The following CBX1 variants were observed in gnomAD, a reference collection of about 807,000 sequenced individuals.
CBX1 encodes the protein chromobox protein homolog 1.
A neutral mutation model predicts 25.1 loss-of-function variants in CBX1; 10 were observed. That is an observed-to-expected ratio of 0.40 (90% CI 0.25 to 0.68). The LOEUF (loss-of-function observed/expected upper bound fraction) is 0.68. CBX1 is among the 30% of genes least tolerant of loss of function. CBX1 has a pLI of 0.40. For missense variants in CBX1, 106 were observed against 218.5 expected, an observed-to-expected ratio of 0.49 and a Z score of 3.25; for synonymous variants, 63 against 79.4, an observed-to-expected ratio of 0.79 and a Z score of 1.10.
chr17:48,094,738 GAAAA>G (rs35959502), intron 1 of CBX1, among the ~76,000 whole-genome samples: 1 of 119,336 alleles, frequency 8.4e-6, no homozygotes, highest in Non-Finnish European at 1.8e-5. Context: ...TGTCTCAAAG[GAAAA>G]AAAAAAAAAA....
chr17:48,077,433 G>GTTTGTTTTT (rs1567764327), intron 1 of CBX1, among the ~76,000 whole-genome samples: 4 of 128,840 alleles, frequency 3.1e-5, no homozygotes, highest in African/African-American at 8.9e-5. Context: ...AATTTTTGTT[G>GTTTGTTTTT]TTTTTTTTTT....
Position 48,071,012 on chromosome 17 carries a change from C to CACCAG in CBX1, c.*418_*422dup, listed in dbSNP as rs2037620179. On this transcript the variant is annotated 3_prime_UTR_variant, in exon 5 of 5. Coordinates refer to ENST00000225603, the MANE Select transcript of CBX1 (RefSeq NM_001127228.2). ...CCATCCCTCCCTCCCCCAAATAATACACCAGTAATAGCCAAAAACTACACA... is the reference window on the plus strand; with the variant it reads ...CCATCCCTCCCTCCCCCAAATAATACACCAGACCAGTAATAGCCAAAAACTACACA... 1 of 141,068 alleles carries CACCAG rather than the reference C, an allele frequency of 7.1e-6. No individual in the cohort carries two copies. The highest frequency in any genetic ancestry group is 7.0e-5 in the Admixed American group (1 of 14,256). 8.7% of individuals were successfully genotyped at this position (141,068 alleles called of 1,614,324 possible).
chr17:48,077,572 G>A (rs1321643241), intron 1 of CBX1, among the ~76,000 whole-genome samples: 1 of 151,266 alleles, frequency 6.6e-6, no homozygotes, highest in African/African-American at 2.4e-5. Flanking sequence ...TTACAGGCAT[G>A]AGCCACCACG....
Position 48,082,708 on chromosome 17 carries a change from T to C in CBX1, c.-37-5667A>G, listed in dbSNP as rs1482335523. Among the ~76,000 whole-genome samples, 8 of 149,208 alleles carry C rather than the reference T, an allele frequency of 5.4e-5. 1 individual carries two copies. The highest frequency in any genetic ancestry group is 2.1e-4 in the African/African-American group (8 of 38,896). On this transcript the variant is annotated intron_variant, in intron 1 of 4. Coordinates refer to ENST00000225603, the MANE Select transcript of CBX1 (RefSeq NM_001127228.2). ...ACACCACCACTCCTGGCTAATTTTT[T>C]TGTATTTTTAGTAAAGACGTGGTTT...
rs1361009846 is a variant in CBX1, at chr17:48,085,187, CTTTACAG to C, written c.-37-8153_-37-8147del. Among the ~76,000 whole-genome samples the C allele has an allele frequency of 3.5e-4, 54 of 152,304 alleles. 1 individual carries two copies. Among genetic ancestry groups the C allele is most frequent in the Middle Eastern group, 3.4e-3 (1 of 294 alleles). On this transcript the variant is annotated intron_variant, in intron 1 of 4. Coordinates refer to ENST00000225603, the MANE Select transcript of CBX1 (RefSeq NM_001127228.2). ...AATAATACTTTACATTTGCATTATA[CTTTACAG>C]TTTACAAAGTGCTACCACATTATCT...
intron 4 of CBX1, among the ~76,000 whole-genome samples, chr17:48,072,813 C>T (rs2037637886): frequency 6.7e-6 from 1 of 150,238 alleles, no homozygotes; most frequent in Non-Finnish European, 1.5e-5. Context: ...ATTTGAAAAT[C>T]ATACACATTA....
chr17:48,097,604 G>A (rs1284723340), intron 1 of CBX1, among the ~76,000 whole-genome samples: 7 of 148,338 alleles, frequency 4.7e-5, no homozygotes, highest in South Asian at 2.1e-4. Flanking sequence ...GCGACAGAGC[G>A]AGACTCTGTC....
At chr17:48,075,233 C>T (rs1395668123) in intron 3 of CBX1, 133 bp from the exon 4 acceptor site, 4 of 635,630 alleles carry the variant, frequency 6.3e-6, no homozygotes, top group Non-Finnish European at 1.1e-5. Flanking sequence ...CTCACTCTGT[C>T]GCCCAGGCTG....
At position 48,094,114 on chromosome 17, in the gene CBX1, CAAAAA is replaced by C. The variant is rs11459504; in HGVS notation, c.-38+7149_-38+7153del. On this transcript the variant is annotated intron_variant, in intron 1 of 4. Transcript: ENST00000225603. ...GGGCATCAAGAGTGAAACTCTGTCT[CAAAAA>C]AAAAAAAAAAAAAAAAAAAGAAGTG... is the stretch of plus-strand genomic sequence containing the variant. Among the ~76,000 whole-genome samples the C allele has an allele frequency of 3.1e-4, 16 of 50,834 alleles. No individual in the cohort carries two copies. The East Asian group carries it at 5.6e-3, about 18-fold the overall frequency. The allele number at this position is 50,834 out of a possible 152,430, so 33.3% of individuals were successfully genotyped here.
At position 48,076,031 on chromosome 17, in the gene CBX1, C is replaced by T; in HGVS notation, c.288G>A (p.Glu96=). ...KADSDSEDKG[E]ESKPKKKKEE... is the part of the protein sequence containing the mutation. ...CTTTCTTCTTCTTTGGTTTGCTCTC[C>T]TCTCCCTTATCTTCAGAATCAGAAT... The change falls in exon 3 of 5, where the codon GAG becomes GAA. Residue 96 remains glutamate, a synonymous_variant. Coordinates refer to ENST00000225603, the MANE Select transcript of CBX1 (RefSeq NM_001127228.2). The T allele has an allele frequency of 6.2e-7, 1 of 1,610,732 alleles. No homozygotes were observed. Among genetic ancestry groups the T allele is most frequent in the Non-Finnish European group, 8.5e-7 (1 of 1,177,536 alleles).
At chr17:48,073,180 A>T (rs2037642010) in intron 4 of CBX1, among the ~76,000 whole-genome samples, 1 of 152,088 alleles carries the variant, frequency 6.6e-6, no homozygotes, top group Admixed American at 6.6e-5. Context: ...AGACAGAAGC[A>T]GTAGCGTAAA....
chr17:48,093,836 T>G (rs1002931469), intron 1 of CBX1, among the ~76,000 whole-genome samples: 2 of 152,172 alleles, frequency 1.3e-5, no homozygotes, highest in African/African-American at 4.8e-5. Flanking sequence ...AGTGTGGGCT[T>G]AGGCCCGGCA....
At chr17:48,085,631 C>T (rs2063308026) in intron 1 of CBX1, among the ~76,000 whole-genome samples, 1 of 151,758 alleles carries the variant, frequency 6.6e-6, no homozygotes, top group Non-Finnish European at 1.5e-5. Context: ...ATTAAACCTG[C>T]AGACAGAAAC....
chr17:48,100,797 T>C, intron 1 of CBX1: 5 of 985,434 alleles, frequency 5.1e-6, no homozygotes, highest in Non-Finnish European at 6.0e-6. Flanking sequence ...TCGACGTTAC[T>C]CCTCCGTAGT....
At chr17:48,093,265 ACT>A (rs1448010884) in intron 1 of CBX1, among the ~76,000 whole-genome samples, 1 of 150,148 alleles carries the variant, frequency 6.7e-6, no homozygotes, top group Admixed American at 6.7e-5. Context: ...ATAGAGCGAG[ACT>A]CTGTCTCAAA....
chr17:48,076,229 C>T, intron 2 of CBX1, 51 bp from the exon 3 acceptor site: 1 of 1,364,826 alleles, frequency 7.3e-7, no homozygotes, highest in Non-Finnish European at 9.9e-7. Context: ...TAAGTATACT[C>T]ATACTAAGGA....
intron 3 of CBX1, among the ~76,000 whole-genome samples, chr17:48,075,775 A>G (rs568996420): frequency 9.6e-4 from 146 of 152,310 alleles, no homozygotes; most frequent in African/African-American, 3.4e-3. Context: ...ACTTGCCCTT[A>G]TATCTGTCCC....
chr17:48,076,586 C>A (rs1362568602), intron 2 of CBX1, among the ~76,000 whole-genome samples: 1 of 152,164 alleles, frequency 6.6e-6, no homozygotes, highest in East Asian at 1.9e-4. Context: ...TGGGAGGATA[C>A]CTTGAGCCTG....
At chr17:48,097,083 C>T (rs937279956) in intron 1 of CBX1, among the ~76,000 whole-genome samples, 27 of 151,384 alleles carry the variant, frequency 1.8e-4, no homozygotes, top group Non-Finnish European at 4.4e-5. Context: ...AACCCCATCT[C>T]TACTAAAAAA....
Sources: allele counts gnomAD v4.1 joint callset (sites outside exome capture counted in the v4.1 genomes callset), GRCh38; gene constraint gnomAD v4.1.1; transcripts MANE v1.5; gene names NCBI Gene and HGNC (gene_info 2026-07-23, HGNC 2026-07-21).